ZNF420: variants seen among roughly 807,000 people sequenced by gnomAD.
The protein encoded by ZNF420 is zinc finger protein 420.
ZNF420 carries 31 observed loss-of-function variants against 44.7 expected under a neutral mutation model. The observed-to-expected ratio is 0.69, with a 90% CI of 0.52 to 0.94. ZNF420 has a LOEUF of 0.94. ZNF420 is among the 40% of genes least tolerant of loss of function. The probability of loss-of-function intolerance (pLI) is 0.00; values close to 1 mark genes in which losing one functional copy is unlikely to be tolerated. For synonymous variants in ZNF420, 245 were observed against 267.4 expected (o/e 0.92, Z 0.82); for missense variants, 681 against 827.9 (o/e 0.82, Z 2.18).
chr19:37,126,964 A>G (rs1006092205), intron 4 of ZNF420, among the ~76,000 whole-genome samples, 164 bp from the exon 5 acceptor site: 3 of 146,040 alleles, frequency 2.1e-5, no homozygotes, highest in African/African-American at 7.8e-5. Context: ...CTGTATATAT[A>G]TAGTAGGTTG....
chr19:37,014,492 C>T (rs2074594977), intron 1 of ZNF420, among the ~76,000 whole-genome samples: 1 of 152,180 alleles, frequency 6.6e-6, no homozygotes, highest in African/African-American at 2.4e-5. Context: ...TCCTCCTCCA[C>T]CGGGATCCGA....
At chr19:37,065,362 C>CCA (rs1967951909) in intron 1 of ZNF420, among the ~76,000 whole-genome samples, 1 of 152,226 alleles carries the variant, frequency 6.6e-6, no homozygotes. Context: ...TACATTATGT[C>CCA]AGACATGCAA....
intron 1 of ZNF420, among the ~76,000 whole-genome samples, chr19:37,064,957 C>T (rs750250150): frequency 6.6e-6 from 1 of 152,104 alleles, no homozygotes; most frequent in Admixed American, 6.5e-5. Context: ...GTAGAGGCTG[C>T]GAAGGCCCGA....
In ZNF420 at chr19:37,127,443, C is replaced by A. The variant is rs763230916; in HGVS notation, c.452C>A (p.Ala151Asp). The A allele has an allele frequency of 2.9e-5, 46 of 1,613,628 alleles. No homozygotes were observed. Among genetic ancestry groups the A allele is most frequent in the Non-Finnish European group, 3.9e-5 (46 of 1,179,888 alleles). Reference sequence around the variant, plus strand: ...GAATGTGGGAAAGCCTTCAGACGAGCCTCACACCTAACACAACATCAAAGT... The same window carrying A: ...GAATGTGGGAAAGCCTTCAGACGAGACTCACACCTAACACAACATCAAAGT... Reference protein sequence around the residue: ...CKECGKAFRRASHLTQHQSIH... With the variant: ...CKECGKAFRRDSHLTQHQSIH... Residue 151 changes from alanine to aspartate, a missense_variant, in exon 5 of 5, where the codon GCC (alanine) becomes GAC (aspartate). Transcript: ENST00000337995.
intron 1 of ZNF420, among the ~76,000 whole-genome samples, chr19:37,055,477 A>G (rs752564684): frequency 1.3e-5 from 2 of 152,202 alleles, no homozygotes; most frequent in Admixed American, 1.3e-4. Flanking sequence ...CCCCTCTCCA[A>G]CAACGCCCGC....
intron 1 of ZNF420, among the ~76,000 whole-genome samples, chr19:37,009,246 C>T (rs757804919): frequency 4.6e-5 from 7 of 152,236 alleles, no homozygotes; most frequent in East Asian, 1.9e-4. Context: ...TGGGAGGTTG[C>T]GTTAGGGCTA....
intron 1 of ZNF420, among the ~76,000 whole-genome samples, chr19:37,046,430 G>A (rs2146417250): frequency 6.6e-6 from 1 of 152,206 alleles, no homozygotes; most frequent in African/African-American, 2.4e-5. Flanking sequence ...TAAGCCAAAA[G>A]TTCATTAATA....
At chr19:37,059,685 CG>C (rs1187572371) in intron 1 of ZNF420, among the ~76,000 whole-genome samples, 1 of 152,174 alleles carries the variant, frequency 6.6e-6, no homozygotes, top group East Asian at 1.9e-4. Context: ...CCTGTGTGCT[CG>C]TGGGCCGCCC....
chr19:37,127,766 G>A lies in ZNF420; in HGVS notation c.775G>A (p.Ala259Thr). Reference protein sequence around the residue: ...KPYECKECGKAFTQNSQLTLH... With the variant: ...KPYECKECGKTFTQNSQLTLH... ...TTATGAATGTAAAGAATGTGGGAAG[G>A]CCTTTACTCAGAATTCACAACTTAC... Residue 259 changes from alanine to threonine, a missense_variant, in exon 5 of 5, where the codon GCC becomes ACC. By Grantham distance (58) the Ala-to-Thr change is moderately conservative (BLOSUM62 0). This residue lies in a region of ZNF420 where 350 missense variants were observed against 382.5 expected (regional missense o/e 0.92). Transcript: ENST00000337995. 1.2e-6 allele frequency: 2 copies of A among 1,613,904 alleles called. No homozygotes were observed. Among genetic ancestry groups the A allele is most frequent in the Non-Finnish European group, 1.7e-6 (2 of 1,179,948 alleles).
chr19:37,082,755 G>A (rs573949959), intron 2 of ZNF420, among the ~76,000 whole-genome samples: 1 of 152,264 alleles, frequency 6.6e-6, no homozygotes, highest in Admixed American at 6.5e-5. Context: ...GTGTTTAAAA[G>A]TCGTCTACAA....
chr19:37,057,153 G>T lies in ZNF420; in HGVS notation c.-124-23192G>T, dbSNP rs575871583. 3.3e-5 allele frequency among the ~76,000 whole-genome samples: 5 copies of T among 152,338 alleles called. No homozygotes were observed. In the South Asian group the frequency reaches 1.0e-3, roughly 32 times the overall value. On this transcript the variant is annotated intron_variant, in intron 1 of 4. Transcript: ENST00000587029. ...TCTGGCCTGACCTCTCCACGGGGGC[G>T]ACAGGAAGGTCTCCGGATGCCAGGA...
At chr19:37,012,838 T>C (rs1391476756) in intron 1 of ZNF420, among the ~76,000 whole-genome samples, 1 of 149,608 alleles carries the variant, frequency 6.7e-6, no homozygotes, top group Non-Finnish European at 1.5e-5. Flanking sequence ...TCCATCTCTG[T>C]CTCTGTTTCT....
intron 1 of ZNF420, among the ~76,000 whole-genome samples, chr19:37,065,322 C>T (rs1967950637): frequency 6.6e-6 from 1 of 152,200 alleles, no homozygotes; most frequent in Non-Finnish European, 1.5e-5. Context: ...GTTTTAGACC[C>T]TGGACCCCGG....
chr19:37,101,425 G>A (rs148867379), intron 4 of ZNF420, among the ~76,000 whole-genome samples: 2,133 of 152,266 alleles, frequency 0.014, 16 homozygotes, highest in Middle Eastern at 0.037. Flanking sequence ...AACCCTGGAG[G>A]CAGAGGTTGC....
chr19:37,089,867 TATTC>T (rs1969035793), intron 3 of ZNF420, among the ~76,000 whole-genome samples: 1 of 152,190 alleles, frequency 6.6e-6, no homozygotes. Flanking sequence ...AAGTCAGACA[TATTC>T]ATTATATGGA....
At chr19:37,012,653 C>T (rs2146369712) in intron 1 of ZNF420, among the ~76,000 whole-genome samples, 1 of 152,294 alleles carries the variant, frequency 6.6e-6, no homozygotes, top group South Asian at 2.1e-4. Context: ...ACAGGTCTGC[C>T]TGTGTGCCCG....
intron 1 of ZNF420, among the ~76,000 whole-genome samples, chr19:37,031,045 G>A (rs530628389): frequency 5.9e-5 from 9 of 152,002 alleles, no homozygotes; most frequent in Non-Finnish European, 1.0e-4. Flanking sequence ...TAGTAGAAAC[G>A]GGGTTTTGCC....
At chr19:37,049,566 TG>T (rs1274039518) in intron 1 of ZNF420, among the ~76,000 whole-genome samples, 2 of 152,210 alleles carry the variant, frequency 1.3e-5, no homozygotes, top group African/African-American at 4.8e-5. Flanking sequence ...TGAGGTTGTT[TG>T]TTTTTTTCTT....
intron 4 of ZNF420, among the ~76,000 whole-genome samples, chr19:37,113,568 C>G (rs933670305): frequency 1.3e-5 from 2 of 152,190 alleles, no homozygotes; most frequent in Admixed American, 6.5e-5. Context: ...TGGTAATTGA[C>G]TTTTGAGCAG....
Sources: allele counts gnomAD v4.1 joint callset (sites outside exome capture counted in the v4.1 genomes callset), GRCh38; gene constraint gnomAD v4.1.1; regional missense constraint gnomAD v4.1.1; transcripts MANE v1.5; gene names NCBI Gene and HGNC (gene_info 2026-07-23, HGNC 2026-07-21).